The following AGBL4 variants were observed in gnomAD, a reference collection of about 807,000 sequenced individuals.
AGBL4 encodes cytosolic carboxypeptidase 6.
In AGBL4, 58 loss-of-function variants were observed where a neutral mutation model predicts 66.4. The ratio of observed to expected loss-of-function variants is 0.87; its 90% CI spans 0.71 to 1.09. AGBL4 has a LOEUF of 1.09. Ranked by LOEUF, AGBL4 falls within the 50% of genes least tolerant of loss-of-function variation. AGBL4 has a pLI of 0.00. For synonymous variants in AGBL4, 234 were observed against 222.9 expected (o/e 1.05, Z -0.44); for missense variants, 579 against 631.0 (o/e 0.92, Z 0.88).
intron 2 of AGBL4, among the ~76,000 whole-genome samples, chr1:49,773,123 G>A (rs890379515): frequency 4.0e-5 from 6 of 151,854 alleles, no homozygotes; most frequent in South Asian, 2.1e-4. Flanking sequence ...CATTGTTGAC[G>A]GTCTCCATTG....
At chr1:48,881,763 G>A (rs1415631746) in intron 5 of AGBL4, among the ~76,000 whole-genome samples, 2 of 152,180 alleles carry the variant, frequency 1.3e-5, no homozygotes, top group African/African-American at 2.4e-5. Context: ...TTGGGCCACC[G>A]TGCAAGAGCT....
chr1:49,277,207 C>T (rs1416423950), intron 3 of AGBL4, among the ~76,000 whole-genome samples: 1 of 152,146 alleles, frequency 6.6e-6, no homozygotes, highest in Admixed American at 6.5e-5. Flanking sequence ...CTTATCCTTG[C>T]TCACATATTA....
chr1:49,559,618 G>A (rs1643985651), intron 3 of AGBL4, among the ~76,000 whole-genome samples: 1 of 152,160 alleles, frequency 6.6e-6, no homozygotes, highest in South Asian at 2.1e-4. Context: ...GACTTGCTGA[G>A]TCTTCTGACT....
chr1:49,311,733 T>C (rs1644945004), intron 3 of AGBL4, among the ~76,000 whole-genome samples: 1 of 151,956 alleles, frequency 6.6e-6, no homozygotes. Context: ...TTTTAGAATA[T>C]AAAAGAATAA....
intron 2 of AGBL4, among the ~76,000 whole-genome samples, chr1:49,796,766 T>C (rs1456115812): frequency 1.3e-5 from 2 of 151,940 alleles, no homozygotes; most frequent in Non-Finnish European, 2.9e-5. Context: ...ATTTGCTTCA[T>C]TATGCCTTTT....
At chr1:48,799,651 T>C (rs1645765991) in intron 6 of AGBL4, among the ~76,000 whole-genome samples, 1 of 152,172 alleles carries the variant, frequency 6.6e-6, no homozygotes, top group Non-Finnish European at 1.5e-5. Flanking sequence ...ATAGCTTTTA[T>C]TATGTTGAGA....
At chr1:48,982,282 A>G (rs563047763) in intron 5 of AGBL4, among the ~76,000 whole-genome samples, 36 of 152,054 alleles carry the variant, frequency 2.4e-4, no homozygotes, top group Non-Finnish European at 4.4e-4. Flanking sequence ...TGCCATGTTA[A>G]TGTGCTGCAC....
intron 3 of AGBL4, among the ~76,000 whole-genome samples, chr1:49,388,547 C>T (rs1261816089): frequency 6.6e-6 from 1 of 152,114 alleles, no homozygotes; most frequent in East Asian, 1.9e-4. Flanking sequence ...CAAGATCATA[C>T]AGTAGTAAAT....
chr1:49,246,465 G>A (rs906365184), intron 3 of AGBL4, among the ~76,000 whole-genome samples: 10 of 151,910 alleles, frequency 6.6e-5, no homozygotes, highest in African/African-American at 1.4e-4. Flanking sequence ...ATCCTCTTTC[G>A]TACCCTCTTT....
intron 4 of AGBL4, among the ~76,000 whole-genome samples, chr1:49,125,678 C>T (rs567830073): frequency 6.6e-6 from 1 of 152,124 alleles, no homozygotes; most frequent in African/African-American, 2.4e-5. Flanking sequence ...CTTTCCCCTA[C>T]CCATTTAATT....
chr1:49,453,896 T>C (rs1267806463), intron 3 of AGBL4, among the ~76,000 whole-genome samples: 1 of 151,790 alleles, frequency 6.6e-6, no homozygotes, highest in Non-Finnish European at 1.5e-5. Context: ...GCCTCTCACA[T>C]TGATTCCTTT....
intron 3 of AGBL4, among the ~76,000 whole-genome samples, chr1:49,369,901 C>T (rs1644307620): frequency 6.6e-6 from 1 of 151,592 alleles, no homozygotes; most frequent in Non-Finnish European, 1.5e-5. Context: ...AAAAATTCTC[C>T]ATAATGAAGG....
intron 2 of AGBL4, among the ~76,000 whole-genome samples, chr1:49,793,736 A>G (rs1215537178): frequency 6.6e-6 from 1 of 151,990 alleles, no homozygotes; most frequent in Non-Finnish European, 1.5e-5. Context: ...AGGTCTAGGT[A>G]AGAAATTTAA....
At chr1:48,991,260 TG>T (rs1201938986) in intron 5 of AGBL4, among the ~76,000 whole-genome samples, 5 of 152,196 alleles carry the variant, frequency 3.3e-5, no homozygotes, top group African/African-American at 1.2e-4. Context: ...ACAATTTTTT[TG>T]TTTTTTTTGT....
chr1:49,582,482 C>G (rs941958345), intron 3 of AGBL4, among the ~76,000 whole-genome samples: 1 of 152,174 alleles, frequency 6.6e-6, no homozygotes, highest in African/African-American at 2.4e-5. Flanking sequence ...ATAAGAGCAC[C>G]TGCCCAGCTC....
At chr1:48,574,414 G>A (rs1321951340) in intron 11 of AGBL4, among the ~76,000 whole-genome samples, 2 of 152,052 alleles carry the variant, frequency 1.3e-5, no homozygotes, top group Admixed American at 6.6e-5. Context: ...TGAAATGATG[G>A]TTCCGAATAC....
chr1:48,973,977 GACTGGAT>G (rs1225110742), intron 5 of AGBL4, among the ~76,000 whole-genome samples: 1 of 152,116 alleles, frequency 6.6e-6, no homozygotes, highest in African/African-American at 2.4e-5. Flanking sequence ...GTACATCACA[GACTGGAT>G]GTGCTAGTTC....
At chr1:48,713,803 A>T (rs947053783) in intron 6 of AGBL4, among the ~76,000 whole-genome samples, 4 of 152,160 alleles carry the variant, frequency 2.6e-5, no homozygotes, top group Non-Finnish European at 5.9e-5. Context: ...CTCATCTGGG[A>T]TAATGTTTCC....
intron 2 of AGBL4, among the ~76,000 whole-genome samples, chr1:49,833,227 C>G (rs1207196389): frequency 6.6e-6 from 1 of 152,138 alleles, no homozygotes; most frequent in African/African-American, 2.4e-5. Flanking sequence ...GCCAGTTTTC[C>G]AAGCACCATT....
Sources: gnomAD v4.1 joint callset for allele counts (sites outside exome capture counted in the v4.1 genomes callset) on GRCh38, gnomAD v4.1.1 for gene constraint, MANE v1.5 for transcripts, NCBI Gene and HGNC (gene_info 2026-07-23, HGNC 2026-07-21) for gene names.